The following SPOCK3 variants were observed in gnomAD, a reference collection of about 807,000 sequenced individuals.
SPOCK3 encodes SPARC (osteonectin), cwcv and kazal like domains proteoglycan 3, also known as testican-3.
In SPOCK3, 30 loss-of-function variants were observed where a neutral mutation model predicts 56.6. The ratio of observed to expected loss-of-function variants is 0.53; its 90% CI spans 0.40 to 0.72. The LOEUF (loss-of-function observed/expected upper bound fraction) is 0.72, where lower values mean the gene tolerates loss of function less well. SPOCK3 is among the 30% of genes least tolerant of loss of function. SPOCK3 has a pLI of 0.00. For missense variants in SPOCK3, 527 were observed against 530.0 expected (o/e 0.99, Z 0.06); for synonymous variants, 196 against 183.3 (o/e 1.07, Z -0.56).
chr4:167,202,208 C>T (rs1481717873), intron 2 of SPOCK3, among the ~76,000 whole-genome samples: 1 of 151,898 alleles, frequency 6.6e-6, no homozygotes, highest in Admixed American at 6.6e-5. Flanking sequence ...ACACTTGAAA[C>T]AATGTAATTT....
chr4:167,221,601 C>A (rs1172918884), intron 2 of SPOCK3, among the ~76,000 whole-genome samples: 1 of 151,878 alleles, frequency 6.6e-6, no homozygotes, highest in Non-Finnish European at 1.5e-5. Context: ...AAAGATTTTA[C>A]CAAAAAGGAA....
At chr4:167,067,616 G>A (rs1756286403) in intron 2 of SPOCK3, among the ~76,000 whole-genome samples, 1 of 151,694 alleles carries the variant, frequency 6.6e-6, no homozygotes, top group Admixed American at 6.6e-5. Context: ...GAAGTCTGAT[G>A]TCAAACTATC....
At chr4:166,752,552 GTA>G (rs36225376) in intron 8 of SPOCK3, among the ~76,000 whole-genome samples, 1,336 of 61,400 alleles carry the variant, frequency 0.022, 13 homozygotes, top group East Asian at 0.061. Flanking sequence ...CTATATGTGT[GTA>G]TATATATATA....
intron 2 of SPOCK3, among the ~76,000 whole-genome samples, chr4:167,202,457 TAGTTAG>T (rs1733610215): frequency 6.6e-6 from 1 of 152,024 alleles, no homozygotes; most frequent in Non-Finnish European, 1.5e-5. Flanking sequence ...CCATTTTAAC[TAGTTAG>T]CAGGTATCAT....
intron 4 of SPOCK3, among the ~76,000 whole-genome samples, chr4:166,927,216 C>T (rs1259444190): frequency 1.3e-5 from 2 of 152,078 alleles, no homozygotes; most frequent in African/African-American, 2.4e-5. Context: ...GTATCCCCAC[C>T]CAAATCTCCT....
chr4:166,812,738 T>C (rs1278401503), intron 6 of SPOCK3, among the ~76,000 whole-genome samples: 1 of 151,994 alleles, frequency 6.6e-6, no homozygotes, highest in Non-Finnish European at 1.5e-5. Context: ...AGATCATAAT[T>C]CTTCACTGGG....
chr4:166,754,493 G>T lies in SPOCK3; in HGVS notation c.931+15C>A. 1 of 1,607,830 alleles carries T rather than the reference G, an allele frequency of 6.2e-7. No homozygotes were observed. Reference sequence around the variant, plus strand: ...CAGGTCAACTATTTGCGTCTGTAAGGGTCTCATCTTTTACCTTGCTGTCTC... The same window carrying T: ...CAGGTCAACTATTTGCGTCTGTAAGTGTCTCATCTTTTACCTTGCTGTCTC... On this transcript the variant is annotated intron_variant, in intron 8 of 10. Coordinates refer to ENST00000357545, the MANE Select transcript of SPOCK3 (RefSeq NM_001040159.2).
intron 2 of SPOCK3, among the ~76,000 whole-genome samples, chr4:167,122,833 ATCAAC>A (rs1446005553): frequency 6.6e-6 from 1 of 152,134 alleles, no homozygotes; most frequent in Non-Finnish European, 1.5e-5. Context: ...AAGAACAATA[ATCAAC>A]TCAATAAAAT....
intron 5 of SPOCK3, among the ~76,000 whole-genome samples, chr4:166,890,781 G>T (rs547270808): frequency 1.3e-5 from 2 of 152,082 alleles, no homozygotes; most frequent in East Asian, 3.9e-4. Flanking sequence ...GCTTGGTCCA[G>T]AGCTGAGTTC....
intron 6 of SPOCK3, among the ~76,000 whole-genome samples, chr4:166,803,795 G>A (rs1267384482): frequency 1.3e-5 from 2 of 152,046 alleles, no homozygotes; most frequent in Non-Finnish European, 2.9e-5. Context: ...TATGCCTAGG[G>A]TTATTACTAA....
intron 4 of SPOCK3, among the ~76,000 whole-genome samples, chr4:166,986,676 G>T (rs758023073): frequency 6.6e-6 from 1 of 151,980 alleles, no homozygotes. Flanking sequence ...CAATAAAAGG[G>T]ACTCTAATTT....
intron 4 of SPOCK3, among the ~76,000 whole-genome samples, chr4:166,948,497 C>G (rs947793845): frequency 6.6e-6 from 1 of 152,034 alleles, no homozygotes; most frequent in African/African-American, 2.4e-5. Context: ...GTTAGAGATC[C>G]CTTTTCTTCA....
chr4:166,890,498 T>C (rs1055478977), intron 5 of SPOCK3, among the ~76,000 whole-genome samples: 1 of 151,994 alleles, frequency 6.6e-6, no homozygotes, highest in Non-Finnish European at 1.5e-5. Flanking sequence ...AAAAATACTA[T>C]GACACATGAT....
chr4:167,227,669 C>T (rs2111155331), intron 2 of SPOCK3, among the ~76,000 whole-genome samples: 1 of 152,092 alleles, frequency 6.6e-6, no homozygotes, highest in Middle Eastern at 3.4e-3. Flanking sequence ...ATAAATACTC[C>T]AGGAGCTTAC....
chr4:167,119,843 A>G, intron 2 of SPOCK3: 1 of 1,532,776 alleles, frequency 6.5e-7, no homozygotes, highest in Non-Finnish European at 8.7e-7. Flanking sequence ...GATCATCACT[A>G]CTGTCCTGTC....
chr4:166,844,639 T>A (rs879939120), intron 6 of SPOCK3, among the ~76,000 whole-genome samples: 1 of 152,124 alleles, frequency 6.6e-6, no homozygotes, highest in African/African-American at 2.4e-5. Context: ...TCTGTCTGTC[T>A]ATCTGTCTCT....
chr4:167,229,903 C>T (rs759838185), intron 2 of SPOCK3, among the ~76,000 whole-genome samples: 1 of 152,026 alleles, frequency 6.6e-6, no homozygotes, highest in Non-Finnish European at 1.5e-5. Context: ...CACTAGTGGT[C>T]ACCATTCCTT....
chr4:167,111,387 C>T (rs1295653479), intron 2 of SPOCK3, among the ~76,000 whole-genome samples: 1 of 151,838 alleles, frequency 6.6e-6, no homozygotes, highest in Non-Finnish European at 1.5e-5. Flanking sequence ...AGACCTAATC[C>T]CAGCCAAACA....
intron 2 of SPOCK3, among the ~76,000 whole-genome samples, chr4:167,134,318 C>T (rs1473530314): frequency 6.6e-6 from 1 of 151,946 alleles, no homozygotes; most frequent in Non-Finnish European, 1.5e-5. Context: ...CAGGTGTGAG[C>T]CATCGCACGT....
Sources: gnomAD v4.1 joint callset for allele counts (sites outside exome capture counted in the v4.1 genomes callset) on GRCh38, gnomAD v4.1.1 for gene constraint, MANE v1.5 for transcripts, NCBI Gene and HGNC (gene_info 2026-07-23, HGNC 2026-07-21) for gene names.